Variants in XIRP2 observed in about 807,000 individuals in gnomAD.
The protein encoded by XIRP2 is xin actin binding repeat containing 2.
XIRP2 carries 236 observed loss-of-function variants against 277.0 expected under a neutral mutation model. That is an observed-to-expected ratio of 0.85 (90% CI 0.77 to 0.95). The LOEUF (loss-of-function observed/expected upper bound fraction) is 0.95. Among genes scored for constraint, XIRP2 ranks in the 40% least tolerant of loss-of-function variants. The pLI is 0.00. For synonymous variants in XIRP2, 1,490 were observed against 1,416.5 expected, an observed-to-expected ratio of 1.05 and a Z score of -1.17; for missense variants, 4,640 against 4,157.5, an observed-to-expected ratio of 1.12 and a Z score of -3.19.
chr2:167,249,810 A>G lies in XIRP2; in HGVS notation c.8418A>G (p.Glu2806=). The G allele has an allele frequency of 1.2e-6, 2 of 1,613,472 alleles. No individual in the cohort carries two copies. Among genetic ancestry groups the G allele is most frequent in the Non-Finnish European group, 8.5e-7 (1 of 1,179,724 alleles). The change falls in exon 9 of 11, where the codon GAA becomes GAG. Residue 2806 remains glutamate, a synonymous_variant. Coordinates refer to ENST00000409195, the MANE Select transcript of XIRP2 (RefSeq NM_152381.6). Reference sequence around the variant, plus strand: ...AGATGGTTCCCAGGAAGCAAAGAGAATTTAGCGGATCTGACAGAGGGAAAC... The same window carrying G: ...AGATGGTTCCCAGGAAGCAAAGAGAGTTTAGCGGATCTGACAGAGGGAAAC... ...KLKMVPRKQR[E]FSGSDRGKLP... is the part of the protein sequence containing the mutation.
At chr2:167,097,487 T>C (rs576422644) in intron 2 of XIRP2, among the ~76,000 whole-genome samples, 7 of 152,164 alleles carry the variant, frequency 4.6e-5, no homozygotes, top group Non-Finnish European at 8.8e-5. Flanking sequence ...AGCACACCAA[T>C]TGGTGTTGAC....
At chr2:166,970,063 A>G (rs1263515423) in intron 2 of XIRP2, among the ~76,000 whole-genome samples, 1 of 152,064 alleles carries the variant, frequency 6.6e-6, no homozygotes, top group Non-Finnish European at 1.5e-5. Flanking sequence ...ATGTTTATGG[A>G]CAACATGAAC....
chr2:167,205,370 G>A (rs570373376), intron 3 of XIRP2, among the ~76,000 whole-genome samples: 1 of 152,120 alleles, frequency 6.6e-6, no homozygotes, highest in South Asian at 2.1e-4. Context: ...AATTATATAA[G>A]TAATTATATA....
At chr2:167,221,608 C>G (rs925200002) in intron 5 of XIRP2, among the ~76,000 whole-genome samples, 1 of 151,890 alleles carries the variant, frequency 6.6e-6, no homozygotes, top group Non-Finnish European at 1.5e-5. Context: ...CTTAGATAGT[C>G]CAACTTTTAA....
rs529717475 is a variant in XIRP2, at chr2:166,958,122, A to C, written c.408+54232A>C. ...TTGCTAACTATGATTTTCTTAAATTAAGATGATGCTGAATTTTAGCTTGCT... is the reference window on the plus strand; with the variant it reads ...TTGCTAACTATGATTTTCTTAAATTCAGATGATGCTGAATTTTAGCTTGCT... On this transcript the variant is annotated intron_variant, in intron 2 of 10. Transcript: ENST00000409195. 2.0e-5 allele frequency among the ~76,000 whole-genome samples: 3 copies of C among 152,000 alleles called. 1 individual carries two copies. The highest frequency in any genetic ancestry group is 7.2e-5 in the African/African-American group (3 of 41,546).
chr2:167,029,878 T>A (rs571674161), intron 2 of XIRP2, among the ~76,000 whole-genome samples: 1 of 152,308 alleles, frequency 6.6e-6, no homozygotes, highest in African/African-American at 2.4e-5. Flanking sequence ...TGCCTCAATT[T>A]CAGGACTTGT....
chr2:167,093,859 AT>A (rs1271320166), intron 2 of XIRP2, among the ~76,000 whole-genome samples: 1 of 152,082 alleles, frequency 6.6e-6, no homozygotes, highest in Non-Finnish European at 1.5e-5. Flanking sequence ...GCCAAATGGT[AT>A]TTCTGGTTCT....
At chr2:167,234,060 T>C (rs1428163663) in intron 5 of XIRP2, among the ~76,000 whole-genome samples, 1 of 151,624 alleles carries the variant, frequency 6.6e-6, no homozygotes, top group African/African-American at 2.4e-5. Flanking sequence ...CTCTGGAATA[T>C]AGCTCTATAA....
chr2:167,154,487 C>A (rs1692122704), intron 3 of XIRP2, among the ~76,000 whole-genome samples: 1 of 150,802 alleles, frequency 6.6e-6, no homozygotes, highest in African/African-American at 2.5e-5. Flanking sequence ...CTTGCCCATG[C>A]CTATGTCCTG....
chr2:167,074,903 G>T (rs1224923075), intron 2 of XIRP2, among the ~76,000 whole-genome samples: 1 of 152,122 alleles, frequency 6.6e-6, no homozygotes, highest in African/African-American at 2.4e-5. Context: ...GAGATTACAG[G>T]TGTGAGCCAC....
At chr2:167,143,299 A>G (rs998583889) in intron 3 of XIRP2, among the ~76,000 whole-genome samples, 1 of 152,164 alleles carries the variant, frequency 6.6e-6, no homozygotes, top group Non-Finnish European at 1.5e-5. Flanking sequence ...TGCTACAGTA[A>G]AAGATACAGG....
intron 2 of XIRP2, among the ~76,000 whole-genome samples, chr2:167,025,205 T>G (rs957435614): frequency 1.4e-4 from 21 of 152,212 alleles, no homozygotes; most frequent in African/African-American, 4.6e-4. Flanking sequence ...GTCGAGGAAT[T>G]TATCCATTTC....
chr2:167,244,741 G>A lies in XIRP2; in HGVS notation c.3349G>A (p.Glu1117Lys), dbSNP rs201247067. 7.9e-5 allele frequency: 127 copies of A among 1,613,020 alleles called. No homozygotes were observed. Among genetic ancestry groups the A allele is most frequent in the Non-Finnish European group, 4.8e-5 (57 of 1,179,662 alleles). Residue 1117 changes from glutamate (E) to lysine (K), a missense_variant, in exon 9 of 11, where the codon GAA becomes AAA. Coordinates refer to ENST00000409195, the MANE Select transcript of XIRP2 (RefSeq NM_152381.6). ...YEKVSLMTSS[E>K]EIHKGDVKTC... ...AAAAGTTTCGTTAATGACCAGCAGT[G>A]AAGAAATTCATAAGGGAGATGTCAA... is the stretch of plus-strand genomic sequence containing the variant.
At chr2:166,973,251 T>C (rs1398901742) in intron 2 of XIRP2, among the ~76,000 whole-genome samples, 2 of 152,198 alleles carry the variant, frequency 1.3e-5, no homozygotes, top group Non-Finnish European at 2.9e-5. Flanking sequence ...TATGTGAAAA[T>C]TTGATGTTTT....
Position 167,251,421 on chromosome 2 carries a change from C to G in XIRP2, c.10029C>G (p.Gly3343=). 1 of 1,613,516 alleles carries G rather than the reference C, an allele frequency of 6.2e-7. No homozygotes were observed. Among genetic ancestry groups the G allele is most frequent in the Non-Finnish European group, 8.5e-7 (1 of 1,179,680 alleles). Reference sequence around the variant, plus strand: ...GATGGTTCAGGGAATTTGAGCATGGCCCAGTTTCTGAAGCAAAGTCAAATA... The same window carrying G: ...GATGGTTCAGGGAATTTGAGCATGGGCCAGTTTCTGAAGCAAAGTCAAATA... The part of the protein sequence containing the change: ...INRWFREFEH[G]PVSEAKSNRR... The change falls in exon 9 of 11, where the codon GGC becomes GGG. Residue 3343 remains glycine, a synonymous_variant. Coordinates refer to ENST00000409195, the MANE Select transcript of XIRP2 (RefSeq NM_152381.6).
intron 5 of XIRP2, among the ~76,000 whole-genome samples, chr2:167,225,148 G>A (rs1425244314): frequency 2.0e-5 from 3 of 152,124 alleles, no homozygotes; most frequent in Admixed American, 6.5e-5. Flanking sequence ...TCTTAAGTGG[G>A]AACAAATAAA....
intron 3 of XIRP2, among the ~76,000 whole-genome samples, chr2:167,166,398 G>A (rs6709079): frequency 0.099 from 15,036 of 152,160 alleles, 788 homozygotes; most frequent in South Asian, 0.15. Context: ...CTTACTGAGT[G>A]TTCCATGTGA....
At chr2:167,115,209 C>T (rs1039005439) in intron 2 of XIRP2, among the ~76,000 whole-genome samples, 2 of 152,114 alleles carry the variant, frequency 1.3e-5, no homozygotes, top group Non-Finnish European at 2.9e-5. Flanking sequence ...CTATCAGATC[C>T]GTTTGGTTCT....
rs376588444 is a variant in XIRP2 at position 167,214,134 on chromosome 2, G to GAAGGAAGC, written c.723+3242_723+3243insGAAGCAAG. Among the ~76,000 whole-genome samples the GAAGGAAGC allele has an allele frequency of 7.0e-4, 79 of 112,170 alleles. 7 individuals carry two copies. Among genetic ancestry groups the GAAGGAAGC allele is most frequent in the South Asian group, 2.3e-3 (7 of 2,996 alleles). 73.6% of individuals were successfully genotyped at this position (112,170 alleles called of 152,430 possible). Reference sequence around the variant, plus strand: ...GGAAGGAAGGAAGGAAGGAAGGAAGGAAGCAAAGAGAAAGAGAAAGAAGGA... The same window carrying GAAGGAAGC: ...GGAAGGAAGGAAGGAAGGAAGGAAGGAAGGAAGCAAGCAAAGAGAAAGAGAAAGAAGGA... On this transcript the variant is annotated intron_variant, in intron 4 of 10. Transcript: ENST00000409195.
Sources: gnomAD v4.1 joint callset for allele counts (sites outside exome capture counted in the v4.1 genomes callset) on GRCh38, gnomAD v4.1.1 for gene constraint, MANE v1.5 for transcripts, NCBI Gene and HGNC (gene_info 2026-07-23, HGNC 2026-07-21) for gene names.